The following KCNIP4 variants were observed in gnomAD, a reference collection of about 807,000 sequenced individuals.
KCNIP4 encodes potassium voltage-gated channel interacting protein 4, also known as Kv channel-interacting protein 4.
Under a neutral mutation model 34.0 loss-of-function variants are expected in KCNIP4, and 12 were observed. The observed-to-expected ratio is 0.35, with a 90% CI of 0.23 to 0.57. The LOEUF (loss-of-function observed/expected upper bound fraction) is 0.57, where lower values mean the gene tolerates loss of function less well. KCNIP4 is among the 20% of genes least tolerant of loss of function. KCNIP4 has a pLI of 0.83. For missense variants in KCNIP4, 238 were observed against 311.7 expected, an observed-to-expected ratio of 0.76 and a Z score of 1.78; for synonymous variants, 124 against 102.2, an observed-to-expected ratio of 1.21 and a Z score of -1.29.
At chr4:20,997,714 A>G (rs1266688090) in intron 1 of KCNIP4, among the ~76,000 whole-genome samples, 1 of 152,166 alleles carries the variant, frequency 6.6e-6, no homozygotes, top group East Asian at 1.9e-4. Context: ...TTCAAACATC[A>G]ACGAGGAAGA....
chr4:21,795,227 C>T (rs995979368), intron 1 of KCNIP4, among the ~76,000 whole-genome samples: 12 of 152,116 alleles, frequency 7.9e-5, no homozygotes, highest in East Asian at 7.7e-4. Context: ...ATCCGGGAAG[C>T]GTGCACACAG....
intron 1 of KCNIP4, among the ~76,000 whole-genome samples, chr4:21,668,943 C>T (rs1240974335): frequency 1.3e-5 from 2 of 152,162 alleles, no homozygotes; most frequent in Non-Finnish European, 2.9e-5. Flanking sequence ...CCTCTCCCGT[C>T]TCTCCTTCTA....
intron 1 of KCNIP4, among the ~76,000 whole-genome samples, chr4:21,584,964 A>G (rs1741501187): frequency 7.5e-6 from 1 of 133,220 alleles, no homozygotes; most frequent in Non-Finnish European, 1.6e-5. Flanking sequence ...TTTTTGTAGG[A>G]AAAAACTGAG....
chr4:21,660,259 T>A (rs907017203), intron 1 of KCNIP4, among the ~76,000 whole-genome samples: 1 of 152,164 alleles, frequency 6.6e-6, no homozygotes, highest in African/African-American at 2.4e-5. Context: ...AAGGCAGAGA[T>A]GGGAGCATCA....
At chr4:21,350,289 G>T (rs1159121868) in intron 1 of KCNIP4, among the ~76,000 whole-genome samples, 1 of 152,068 alleles carries the variant, frequency 6.6e-6, no homozygotes, top group Non-Finnish European at 1.5e-5. Flanking sequence ...AAGGAGTAGA[G>T]ATGATTAAGA....
rs115704381 is a variant in KCNIP4, at chr4:21,704,297, A to G, written c.61+244274T>C. On this transcript the variant is annotated intron_variant, in intron 1 of 8. Transcript: ENST00000382152. ...CCTTAGCAATGTTCATTGCTGGTAGAACAGATGTTTTCAATTAGTATATAT... is the reference window on the plus strand; with the variant it reads ...CCTTAGCAATGTTCATTGCTGGTAGGACAGATGTTTTCAATTAGTATATAT... 4.2e-3 allele frequency among the ~76,000 whole-genome samples: 647 copies of G among 152,326 alleles called. 7 individuals carry two copies. Among genetic ancestry groups the G allele is most frequent in the African/African-American group, 0.014 (602 of 41,576 alleles).
At chr4:21,176,014 T>C (rs925711294) in intron 1 of KCNIP4, among the ~76,000 whole-genome samples, 1 of 152,190 alleles carries the variant, frequency 6.6e-6, no homozygotes, top group Non-Finnish European at 1.5e-5. Flanking sequence ...TCTTGACCTC[T>C]ACTGAAATAG....
intron 1 of KCNIP4, among the ~76,000 whole-genome samples, chr4:21,800,984 T>C (rs115973835): frequency 0.012 from 1,898 of 152,302 alleles, 19 homozygotes; most frequent in South Asian, 0.028. Context: ...TTTCATTACA[T>C]TCATTCTCCG....
chr4:21,004,347 C>T (rs139202790), intron 1 of KCNIP4, among the ~76,000 whole-genome samples: 1 of 152,324 alleles, frequency 6.6e-6, no homozygotes. Flanking sequence ...TCCCAAATTT[C>T]TAACTTGGAC....
Position 20,732,000 on chromosome 4 carries a change from A to G in KCNIP4, c.705+6T>C, listed in dbSNP as rs1347353594. The G allele has an allele frequency of 6.2e-7, 1 of 1,613,064 alleles. No individual in the cohort carries two copies. The highest frequency in any genetic ancestry group is 8.5e-7 in the Non-Finnish European group (1 of 1,179,670). On this transcript the variant is annotated splice_donor_region_variant and intron_variant, in intron 8 of 8. Coordinates refer to ENST00000382152, the MANE Select transcript of KCNIP4 (RefSeq NM_025221.6). ...AATTGATAGTTATTACACTTTCATT[A>G]CTTACTTTTTGGCAGCTTTCAATGA...
At chr4:21,506,366 G>C (rs1356386750) in intron 1 of KCNIP4, among the ~76,000 whole-genome samples, 1 of 152,176 alleles carries the variant, frequency 6.6e-6, no homozygotes, top group Non-Finnish European at 1.5e-5. Context: ...GAAATGACTA[G>C]AATAACAGTA....
chr4:21,025,572 G>C (rs1345592500), intron 1 of KCNIP4, among the ~76,000 whole-genome samples: 1 of 3,072 alleles, frequency 3.3e-4, no homozygotes, highest in Admixed American at 2.1e-3. Context: ...TTTTTTTTTT[G>C]AGACGGAGTC....
intron 1 of KCNIP4, among the ~76,000 whole-genome samples, chr4:21,092,656 C>G (rs1308137187): frequency 6.6e-6 from 1 of 152,058 alleles, no homozygotes; most frequent in Non-Finnish European, 1.5e-5. Flanking sequence ...CCAATGAGGA[C>G]CAAATGATAT....
At chr4:21,342,243 GAA>G (rs1295560909) in intron 1 of KCNIP4, among the ~76,000 whole-genome samples, 1 of 151,992 alleles carries the variant, frequency 6.6e-6, no homozygotes, top group Non-Finnish European at 1.5e-5. Flanking sequence ...CAAAATGCTA[GAA>G]AAAGAACATC....
At chr4:21,595,326 C>A (rs1430840397) in intron 1 of KCNIP4, among the ~76,000 whole-genome samples, 1 of 152,080 alleles carries the variant, frequency 6.6e-6, no homozygotes, top group African/African-American at 2.4e-5. Flanking sequence ...TGAACTCATT[C>A]TTTTTTATGG....
At chr4:21,482,199 G>A (rs1023309965) in intron 1 of KCNIP4, among the ~76,000 whole-genome samples, 3 of 151,874 alleles carry the variant, frequency 2.0e-5, no homozygotes, top group Admixed American at 6.6e-5. Context: ...TTGAGCCTAC[G>A]TGTGTCTCTG....
chr4:21,410,436 A>T (rs917544062), intron 1 of KCNIP4, among the ~76,000 whole-genome samples: 13 of 152,034 alleles, frequency 8.6e-5, no homozygotes, highest in African/African-American at 3.1e-4. Context: ...CCTGGTTTTT[A>T]TTCCTGCATC....
chr4:20,938,638 C>A (rs907323085), intron 1 of KCNIP4, among the ~76,000 whole-genome samples: 3 of 152,204 alleles, frequency 2.0e-5, no homozygotes, highest in African/African-American at 7.2e-5. Context: ...GAGCCCCTCA[C>A]AGCTTCACAA....
At chr4:20,767,314 A>T (rs540160383) in intron 3 of KCNIP4, 3 of 152,316 alleles carry the variant, frequency 2.0e-5, no homozygotes, top group East Asian at 3.9e-4. Context: ...TTGTAATTGT[A>T]AATGATAGCA....
Sources: allele counts gnomAD v4.1 joint callset (sites outside exome capture counted in the v4.1 genomes callset), GRCh38; gene constraint gnomAD v4.1.1; transcripts MANE v1.5; gene names NCBI Gene and HGNC (gene_info 2026-07-23, HGNC 2026-07-21).